TLK1: variants seen among roughly 807,000 people sequenced by gnomAD.
TLK1 encodes tousled like kinase 1, also known as serine/threonine-protein kinase tousled-like 1.
A neutral mutation model predicts 105.3 loss-of-function variants in TLK1; 24 were observed. That is an observed-to-expected ratio of 0.23 (90% CI 0.17 to 0.32). TLK1 has a LOEUF of 0.32. TLK1 is among the 10% of genes least tolerant of loss of function. The probability of loss-of-function intolerance (pLI) is 1.00; values close to 1 mark genes in which losing one functional copy is unlikely to be tolerated. For synonymous variants in TLK1, 321 were observed against 310.4 expected (o/e 1.03, Z -0.36); for missense variants, 558 against 910.5 (o/e 0.61, Z 4.98).
At chr2:171,131,151 A>G (rs1214763873) in intron 1 of TLK1, among the ~76,000 whole-genome samples, 1 of 152,166 alleles carries the variant, frequency 6.6e-6, no homozygotes, top group Non-Finnish European at 1.5e-5. Flanking sequence ...AGATACAGAA[A>G]TATGTATATA....
chr2:171,203,325 A>G (rs1693438216), intron 1 of TLK1, among the ~76,000 whole-genome samples: 1 of 152,116 alleles, frequency 6.6e-6, no homozygotes, highest in Non-Finnish European at 1.5e-5. Flanking sequence ...CTAAAACTCT[A>G]TACTCATTAA....
rs55835853 is a variant in TLK1 at position 171,195,501 on chromosome 2, C to CAA, written c.-6+35642_-6+35643dup. Among the ~76,000 whole-genome samples, 569 of 65,702 alleles carry CAA rather than the reference C, an allele frequency of 8.7e-3. 6 individuals carry two copies. Among genetic ancestry groups the CAA allele is most frequent in the African/African-American group, 0.02 (386 of 19,404 alleles). 43.1% of individuals were successfully genotyped at this position (65,702 alleles called of 152,430 possible). On this transcript the variant is annotated intron_variant, in intron 1 of 20. Coordinates refer to the TLK1 transcript ENST00000521943. ...TAGGTGACAGAGCAAGACTCTGTCT[C>CAA]AAAAAAAAAAAAAAAAAAAAACATA...
intron 2 of TLK1, among the ~76,000 whole-genome samples, chr2:171,117,158 TC>T (rs1354901606): frequency 6.6e-6 from 1 of 152,172 alleles, no homozygotes; most frequent in African/African-American, 2.4e-5. Context: ...ATGAAACTGT[TC>T]TACCTCATAT....
intron 3 of TLK1, among the ~76,000 whole-genome samples, chr2:171,076,307 T>A (rs1424196286): frequency 6.6e-6 from 1 of 151,968 alleles, no homozygotes. Flanking sequence ...CAGAGTGGGT[T>A]CCTGATTAAA....
chr2:171,085,961 T>C (rs189929472), intron 2 of TLK1, among the ~76,000 whole-genome samples: 3 of 152,336 alleles, frequency 2.0e-5, no homozygotes, highest in East Asian at 3.9e-4. Flanking sequence ...ACTGTGCTAA[T>C]GTTATTTTGA....
intron 2 of TLK1, among the ~76,000 whole-genome samples, chr2:171,097,758 TACTAAAAATA>T (rs1689509591): frequency 6.6e-6 from 1 of 152,120 alleles, no homozygotes; most frequent in Admixed American, 6.6e-5. Flanking sequence ...ATGACATCTC[TACTAAAAATA>T]ACAAAATTAG....
At chr2:170,994,669 C>T (rs749579067) in intron 20 of TLK1, 8 of 516,960 alleles carry the variant, frequency 1.5e-5, no homozygotes, top group African/African-American at 1.3e-4. Flanking sequence ...CTCTGAATCC[C>T]CCTCATGCCC....
intron 1 of TLK1, among the ~76,000 whole-genome samples, chr2:171,129,203 T>C (rs1690996200): frequency 6.6e-6 from 1 of 152,218 alleles, no homozygotes; most frequent in Admixed American, 6.5e-5. Flanking sequence ...CTTTCCCTCA[T>C]TACTAAGTAA....
intron 13 of TLK1, 60 bp from the exon 14 acceptor site, chr2:171,011,514 A>G (rs1230138678): frequency 1.4e-6 from 2 of 1,410,480 alleles, no homozygotes; most frequent in African/African-American, 2.9e-5. Flanking sequence ...TTCCTTCTAC[A>G]CTGAAGTTCT....
intron 1 of TLK1, among the ~76,000 whole-genome samples, chr2:171,166,101 C>G (rs989115375): frequency 1.3e-5 from 2 of 152,196 alleles, no homozygotes; most frequent in Non-Finnish European, 2.9e-5. Context: ...GTTATAACTC[C>G]TAGGTCAGCA....
chr2:171,022,106 C>CACACACACAG, intron 12 of TLK1, among the ~76,000 whole-genome samples: 1 of 151,694 alleles, frequency 6.6e-6, no homozygotes, highest in African/African-American at 2.4e-5. Flanking sequence ...CACACACACA[C>CACACACACAG]ACACACACAC....
chr2:171,160,380 A>AC lies in TLK1; in HGVS notation c.48dup (p.Ser17ValfsTer35). On this transcript the variant is annotated frameshift_variant, in exon 1 of 21. Transcript: ENST00000431350. LOFTEE classifies it high-confidence loss of function. The surrounding 1 kb of genome is among the most constrained non-coding windows in gnomAD (Gnocchi z 4.4). The stretch of plus-strand genomic sequence containing the variant: ...GGGGTTGGAGACGTGGAGAGCTGGG[A>AC]CCAAGATGGCGGCCCCTCCAAACTT... The AC allele has an allele frequency of 6.2e-7, 1 of 1,605,806 alleles. No individual in the cohort carries two copies.
intron 5 of TLK1, among the ~76,000 whole-genome samples, chr2:171,056,891 C>T (rs1260431681): frequency 6.6e-6 from 1 of 151,976 alleles, no homozygotes; most frequent in African/African-American, 2.4e-5. Flanking sequence ...CAAATCTTAG[C>T]ACAGGTCCCC....
chr2:171,201,068 G>A (rs1186016823), intron 1 of TLK1, among the ~76,000 whole-genome samples: 1 of 151,262 alleles, frequency 6.6e-6, no homozygotes, highest in Non-Finnish European at 1.5e-5. Context: ...ATTTTTAGTA[G>A]AGAGGGGGTT....
intron 12 of TLK1, among the ~76,000 whole-genome samples, chr2:171,020,480 C>T (rs1039720136): frequency 6.6e-6 from 1 of 150,524 alleles, no homozygotes; most frequent in Non-Finnish European, 1.5e-5. Context: ...TCGGAGGTTG[C>T]AGTGGGCCCA....
chr2:171,149,243 C>A (rs919222913), intron 1 of TLK1, among the ~76,000 whole-genome samples: 4 of 150,702 alleles, frequency 2.7e-5, no homozygotes, highest in Non-Finnish European at 5.9e-5. Flanking sequence ...GAAGCAGCAG[C>A]AGAAGAAGAA....
At chr2:171,175,519 T>C (rs1470209212) in intron 1 of TLK1, among the ~76,000 whole-genome samples, 1 of 152,208 alleles carries the variant, frequency 6.6e-6, no homozygotes, top group Non-Finnish European at 1.5e-5. Flanking sequence ...TATCCATGAA[T>C]TTTGGTATGG....
intron 1 of TLK1, among the ~76,000 whole-genome samples, chr2:171,127,648 T>C (rs1003476509): frequency 2.0e-5 from 3 of 152,148 alleles, no homozygotes; most frequent in African/African-American, 7.2e-5. Flanking sequence ...ATATTAACAT[T>C]TAGAACATTA....
Position 171,217,318 on chromosome 2 carries a change from C to T in TLK1, c.-6+13827G>A, listed in dbSNP as rs141627862. 7.2e-5 allele frequency among the ~76,000 whole-genome samples: 11 copies of T among 152,246 alleles called. No individual in the cohort carries two copies. The East Asian group carries it at 2.1e-3, about 29-fold the overall frequency. On this transcript the variant is annotated intron_variant, in intron 1 of 20. Coordinates refer to the TLK1 transcript ENST00000521943. Reference sequence around the variant, plus strand: ...CAAATCAAGAGTAGACAGTAGATACCATTCTCCCTCTCAAATCCACAGGTA... The same window carrying T: ...CAAATCAAGAGTAGACAGTAGATACTATTCTCCCTCTCAAATCCACAGGTA...
Sources: allele counts gnomAD v4.1 joint callset (sites outside exome capture counted in the v4.1 genomes callset), GRCh38; gene constraint gnomAD v4.1.1; non-coding constraint Gnocchi (gnomAD v3.1); transcripts MANE v1.5; gene names NCBI Gene and HGNC (gene_info 2026-07-23, HGNC 2026-07-21).